Variants in BNIP2 observed in about 807,000 individuals in gnomAD.
BNIP2 encodes the protein BCL2/adenovirus E1B 19 kDa protein-interacting protein 2.
BNIP2 carries 36 observed loss-of-function variants against 43.4 expected under a neutral mutation model. The ratio of observed to expected loss-of-function variants is 0.83; its 90% CI spans 0.64 to 1.10. The LOEUF (loss-of-function observed/expected upper bound fraction) is 1.10. Among genes scored for constraint, BNIP2 ranks in the 50% least tolerant of loss-of-function variants. BNIP2 has a pLI of 0.00. For synonymous variants in BNIP2, 146 were observed against 121.0 expected (o/e 1.21, Z -1.35); for missense variants, 417 against 374.1 (o/e 1.11, Z -0.95).
At chr15:59,678,373 T>C in intron 4 of BNIP2, 2 of 1,128,196 alleles carry the variant, frequency 1.8e-6, no homozygotes, top group South Asian at 2.4e-5. Context: ...TGTAGAGTCA[T>C]CAAAATCTTA....
intron 6 of BNIP2, 145 bp from the exon 7 acceptor site, chr15:59,671,459 T>C: frequency 3.4e-6 from 2 of 584,114 alleles, no homozygotes; most frequent in East Asian, 3.1e-5. Context: ...TAGCTAGTAT[T>C]ACGATTATCT....
intron 6 of BNIP2, 38 bp downstream of exon 6, chr15:59,672,599 C>CCGT (rs1893002388): frequency 3.4e-6 from 5 of 1,469,928 alleles, no homozygotes; most frequent in South Asian, 1.2e-5. Context: ...AATTAGCTCA[C>CCGT]AATTCTGTCC....
intron 1 of BNIP2, among the ~76,000 whole-genome samples, chr15:59,687,075 T>C (rs1432280922): frequency 6.6e-6 from 1 of 152,160 alleles, no homozygotes; most frequent in Non-Finnish European, 1.5e-5. Flanking sequence ...AAAACTAGAA[T>C]GGTGCTGAGT....
chr15:59,665,726 T>C (rs1892530852), intron 9 of BNIP2, among the ~76,000 whole-genome samples: 1 of 152,254 alleles, frequency 6.6e-6, no homozygotes, highest in Non-Finnish European at 1.5e-5. Context: ...TACCACATAA[T>C]AATTACAGAC....
chr15:59,678,266 C>G, intron 4 of BNIP2, 179 bp from the exon 5 acceptor site: 4 of 1,331,134 alleles, frequency 3.0e-6, no homozygotes, highest in Non-Finnish European at 1.9e-6. Context: ...TGTTTTATGT[C>G]TTTGGAAATC....
Position 59,674,107 on chromosome 15 carries a change from C to CAAA in BNIP2, c.473-1371_473-1369dup, listed in dbSNP as rs67178095. On this transcript the variant is annotated intron_variant, in intron 5 of 9. Transcript: ENST00000607373. ...TTGGGTCTCAAAAAAAAAACAAAAA[C>CAAA]AAAAACAAAAAAACAAACTAAATTA... 1.6e-4 allele frequency among the ~76,000 whole-genome samples: 22 copies of CAAA among 136,536 alleles called. 1 individual carries two copies. Among genetic ancestry groups the CAAA allele is most frequent in the South Asian group, 2.4e-4 (1 of 4,230 alleles). 89.6% of individuals were successfully genotyped at this position (136,536 alleles called of 152,430 possible).
intron 9 of BNIP2, 190 bp downstream of exon 9, chr15:59,668,702 A>G (rs111644524): frequency 2.0e-6 from 1 of 509,582 alleles, no homozygotes; most frequent in South Asian, 3.5e-5. Flanking sequence ...GCCTGAAGAA[A>G]ATGCTAACTT....
chr15:59,667,120 C>G (rs1892614040), intron 9 of BNIP2, among the ~76,000 whole-genome samples: 1 of 152,174 alleles, frequency 6.6e-6, no homozygotes, highest in Non-Finnish European at 1.5e-5. Flanking sequence ...GATCTAAAAT[C>G]ACTGTCTACA....
intron 1 of BNIP2, among the ~76,000 whole-genome samples, chr15:59,686,803 C>G (rs544061139): frequency 1.5e-4 from 23 of 152,000 alleles, no homozygotes; most frequent in Admixed American, 3.3e-4. Context: ...GATCACCTGA[C>G]GTCAGGAGTT....
chr15:59,660,478 TTCTA>T lies in BNIP2; in HGVS notation c.*3587_*3590del, dbSNP rs1341224101. Reference sequence around the variant, plus strand: ...CCAATCTCATCAGGAAACTGGCCTGTTCTATCTGATATGTCCTAATGCTAATTTA... The same window carrying T: ...CCAATCTCATCAGGAAACTGGCCTGTTCTGATATGTCCTAATGCTAATTTA... On this transcript the variant is annotated 3_prime_UTR_variant, in exon 10 of 10. Transcript: ENST00000607373. 2.0e-5 allele frequency: 3 copies of T among 152,194 alleles called. No individual in the cohort carries two copies. The highest frequency in any genetic ancestry group is 7.2e-5 in the African/African-American group (3 of 41,436). The allele number at this position is 152,194 out of a possible 1,614,324, so 9.4% of individuals were successfully genotyped here.
intron 5 of BNIP2, chr15:59,677,258 T>G: frequency 6.3e-7 from 1 of 1,597,122 alleles, no homozygotes; most frequent in Non-Finnish European, 8.6e-7. Context: ...ACTGCTTGAC[T>G]GAAGTATACA....
Position 59,659,319 on chromosome 15 carries a change from G to A in BNIP2, c.*4750C>T, listed in dbSNP as rs996638934. 1 of 152,168 alleles carries A rather than the reference G, an allele frequency of 6.6e-6. No homozygotes were observed. The highest frequency in any genetic ancestry group is 1.5e-5 in the Non-Finnish European group (1 of 68,032). 9.4% of individuals were successfully genotyped at this position (152,168 alleles called of 1,614,324 possible). On this transcript the variant is annotated 3_prime_UTR_variant, in exon 10 of 10. Transcript: ENST00000607373. ...ACCACATTAATATCTTGCACACACAGACATCAGAACTGAATTTCTGACAGT... is the reference window on the plus strand; with the variant it reads ...ACCACATTAATATCTTGCACACACAAACATCAGAACTGAATTTCTGACAGT...
chr15:59,676,821 A>C, intron 5 of BNIP2: 1 of 1,542,542 alleles, frequency 6.5e-7, no homozygotes, highest in Non-Finnish European at 8.8e-7. Context: ...CGCCGCTACT[A>C]CTTCCCTTCC....
At chr15:59,688,597 G>C in intron 1 of BNIP2, 1 of 1,044,138 alleles carries the variant, frequency 9.6e-7, no homozygotes, top group Non-Finnish European at 1.4e-6. Context: ...AGAAAGGGTT[G>C]TGTCTAGATT....
chr15:59,672,884 T>C (rs1184209289), intron 5 of BNIP2, 145 bp from the exon 6 acceptor site: 7 of 522,440 alleles, frequency 1.3e-5, no homozygotes, highest in African/African-American at 5.9e-5. Flanking sequence ...AAATCTTATA[T>C]GGTCTTATAT....
At chr15:59,684,291 C>T (rs575873580) in intron 1 of BNIP2, among the ~76,000 whole-genome samples, 1 of 152,272 alleles carries the variant, frequency 6.6e-6, no homozygotes, top group Non-Finnish European at 1.5e-5. Flanking sequence ...AACTTATTTG[C>T]TTGAAAAAGT....
Position 59,677,936 on chromosome 15 carries a change from G to C in BNIP2, c.447C>G (p.Pro149=). The C allele has an allele frequency of 6.2e-7, 1 of 1,609,326 alleles. No individual in the cohort carries two copies. The highest frequency in any genetic ancestry group is 1.1e-5 in the South Asian group (1 of 89,868). The change falls in exon 5 of 10, where the codon CCC becomes CCG. Residue 149 remains proline, a synonymous_variant. Transcript: ENST00000607373. Reference sequence around the variant, plus strand: ...CCCCATGGCTGATAACTTTTTTATAGGGTTCAATTGCCTTCATATCAACCC... The same window carrying C: ...CCCCATGGCTGATAACTTTTTTATACGGTTCAATTGCCTTCATATCAACCC... ...DHRVDMKAIE[P]YKKVISHGGY...
chr15:59,687,502 C>A (rs1413580511), intron 1 of BNIP2, among the ~76,000 whole-genome samples: 1 of 151,992 alleles, frequency 6.6e-6, no homozygotes, highest in Non-Finnish European at 1.5e-5. Context: ...CAGGCACGAG[C>A]GACCATGCCT....
rs1892174999 is a variant in BNIP2, at chr15:59,660,126, T to C, written c.*3943A>G. 6.6e-6 allele frequency: 1 copy of C among 152,150 alleles called. No individual in the cohort carries two copies. The highest frequency in any genetic ancestry group is 1.5e-5 in the Non-Finnish European group (1 of 68,036). 9.4% of individuals were successfully genotyped at this position (152,150 alleles called of 1,614,324 possible). A position where few individuals can be genotyped will look rare whatever the true frequency, so the allele number is the denominator to read the frequency against. ...TCACCAGTTGGCCTTCCCATTCAAG[T>C]CTAAGTTCTTGACTCTTTCTCGCAG... On this transcript the variant is annotated 3_prime_UTR_variant, in exon 10 of 10. Coordinates refer to ENST00000607373, the MANE Select transcript of BNIP2 (RefSeq NM_004330.4).
Sources: allele counts gnomAD v4.1 joint callset (sites outside exome capture counted in the v4.1 genomes callset), GRCh38; gene constraint gnomAD v4.1.1; transcripts MANE v1.5; gene names NCBI Gene and HGNC (gene_info 2026-07-23, HGNC 2026-07-21).